RAP1GAP2: variants seen among roughly 807,000 people sequenced by gnomAD.
RAP1GAP2 encodes the protein rap1 GTPase-activating protein 2.
In RAP1GAP2, 27 loss-of-function variants were observed where a neutral mutation model predicts 95.0. That is an observed-to-expected ratio of 0.28 (90% CI 0.21 to 0.39). The LOEUF (loss-of-function observed/expected upper bound fraction) is 0.39. Among genes scored for constraint, RAP1GAP2 ranks in the 10% least tolerant of loss-of-function variants. The probability of loss-of-function intolerance (pLI) is 1.00; values close to 1 mark genes in which losing one functional copy is unlikely to be tolerated. For missense variants in RAP1GAP2, 771 were observed against 970.0 expected (o/e 0.79, Z 2.72); for synonymous variants, 373 against 380.9 (o/e 0.98, Z 0.24).
chr17:2,980,170 T>C, intron 8 of RAP1GAP2, 117 bp from the exon 9 acceptor site: 1 of 868,600 alleles, frequency 1.2e-6, no homozygotes, highest in Non-Finnish European at 1.9e-6. Flanking sequence ...CTCGAACTCC[T>C]GACCTCAAGT....
At position 3,008,844 on chromosome 17, in the gene RAP1GAP2, A is replaced by C. The variant is rs975539285; in HGVS notation, c.1494+699A>C. Among the ~76,000 whole-genome samples, 2 of 152,190 alleles carry C rather than the reference A, an allele frequency of 1.3e-5. No individual in the cohort carries two copies. The highest frequency in any genetic ancestry group is 2.9e-5 in the Non-Finnish European group (2 of 68,038). On this transcript the variant is annotated intron_variant, in intron 17 of 24. Transcript: ENST00000254695. This position sits in a 1 kb window ranked among gnomAD's most constrained non-coding sequence, Gnocchi z 4.2. ...AGCATCTGGCTCGAGCCTGGCTGTC[A>C]GCCTGTGCAGGTGGCGGAACGGGTC... is the stretch of plus-strand genomic sequence containing the variant.
At position 3,032,401 on chromosome 17, in the gene RAP1GAP2, G is replaced by A; in HGVS notation, c.2185-10G>A. On this transcript the variant is annotated splice_polypyrimidine_tract_variant and intron_variant, in intron 23 of 24. Coordinates refer to ENST00000254695, the MANE Select transcript of RAP1GAP2 (RefSeq NM_015085.5). ...TATTTAAACTCCTGTATGGATTTTT[G>A]TTGAAACAGGGTCACTAATGTGAAA... The A allele has an allele frequency of 2.5e-6, 4 of 1,613,964 alleles. No homozygotes were observed. In the South Asian group the frequency reaches 4.4e-5, roughly 18 times the overall value.
Position 3,005,921 on chromosome 17 carries a change from G to A in RAP1GAP2, c.1273-34G>A, listed in dbSNP as rs367895358. ...GAAGACCTTCTGGCAACAGCCGAGA[G>A]TGACAGACCTGAGGTCCGTCTTGTC... On this transcript the variant is annotated intron_variant, in intron 15 of 24. Coordinates refer to ENST00000254695, the MANE Select transcript of RAP1GAP2 (RefSeq NM_015085.5). The surrounding 1 kb of genome is among the most constrained non-coding windows in gnomAD (Gnocchi z 5.2). The A allele has an allele frequency of 3.1e-6, 5 of 1,588,768 alleles. No homozygotes were observed. In the African/African-American group the frequency reaches 4.0e-5, roughly 13 times the overall value.
rs531265313 is a variant in RAP1GAP2, at chr17:2,903,172, C to A, written c.81-2112C>A. The stretch of plus-strand genomic sequence containing the variant: ...TTTCCTTGCTGGGCTCCTAGCCTTA[C>A]AGGGGAGCAGCTGTCATTCTCACCA... On this transcript the variant is annotated intron_variant, in intron 2 of 24. Coordinates refer to ENST00000254695, the MANE Select transcript of RAP1GAP2 (RefSeq NM_015085.5). This position sits in a 1 kb window ranked among gnomAD's most constrained non-coding sequence, Gnocchi z 4.1. Among the ~76,000 whole-genome samples, 1 of 152,272 alleles carries A rather than the reference C, an allele frequency of 6.6e-6. No homozygotes were observed. Among genetic ancestry groups the A allele is most frequent in the South Asian group, 2.1e-4 (1 of 4,824 alleles).
chr17:2,906,215 C>A lies in RAP1GAP2; in HGVS notation c.165+847C>A, dbSNP rs2042194928. ...AGGCCAGCTCCTCTCTGTCCTGGGG[C>A]TGTGCTCTGAGTGGCTCACAGGGAG... On this transcript the variant is annotated intron_variant, in intron 3 of 24. Coordinates refer to ENST00000254695, the MANE Select transcript of RAP1GAP2 (RefSeq NM_015085.5). This position sits in a 1 kb window ranked among gnomAD's most constrained non-coding sequence, Gnocchi z 4.3. Among the ~76,000 whole-genome samples, 1 of 152,194 alleles carries A rather than the reference C, an allele frequency of 6.6e-6. No individual in the cohort carries two copies. The highest frequency in any genetic ancestry group is 1.5e-5 in the Non-Finnish European group (1 of 68,024).
chr17:2,862,328 A>T (rs2072435484), intron 2 of RAP1GAP2, among the ~76,000 whole-genome samples: 1 of 151,844 alleles, frequency 6.6e-6, no homozygotes, highest in South Asian at 2.1e-4. Context: ...CAATATATAT[A>T]TTTTTCTAAA....
At chr17:2,762,035 C>T (rs1221042726) in intron 1 of RAP1GAP2, among the ~76,000 whole-genome samples, 1 of 119,868 alleles carries the variant, frequency 8.3e-6, no homozygotes, top group Non-Finnish European at 1.6e-5. Context: ...GTTGCCCATG[C>T]TGGAGCACAG....
chr17:3,012,605 CAAAAAAAAAAA>C (rs71377567), intron 17 of RAP1GAP2, among the ~76,000 whole-genome samples: 1 of 69,688 alleles, frequency 1.4e-5, no homozygotes, highest in African/African-American at 5.9e-5. Context: ...GACTGTGTCT[CAAAAAAAAAAA>C]AAAAAAAAAA....
At chr17:2,921,645 G>C (rs943488346) in intron 3 of RAP1GAP2, among the ~76,000 whole-genome samples, 1 of 149,070 alleles carries the variant, frequency 6.7e-6, no homozygotes, top group African/African-American at 2.5e-5. Flanking sequence ...CAGCAGGGCC[G>C]TTATGTGTCC....
At chr17:2,785,375 A>G (rs1443878470) in intron 1 of RAP1GAP2, among the ~76,000 whole-genome samples, 1 of 151,064 alleles carries the variant, frequency 6.6e-6, no homozygotes, top group Non-Finnish European at 1.5e-5. Flanking sequence ...TTCACAAGAT[A>G]GGAGGAGAGA....
rs557671598 is a variant in RAP1GAP2, at chr17:2,778,902, T to C, written c.-14+1624T>C. Among the ~76,000 whole-genome samples the C allele has an allele frequency of 5.9e-5, 9 of 152,290 alleles. No homozygotes were observed. In the South Asian group the frequency reaches 8.3e-4, roughly 14 times the overall value. ...GAGCCTTACAGACAGAACTGCTCTG[T>C]TGGGGAGAGAAACAGGGAAGCACTT... is the stretch of plus-strand genomic sequence containing the variant. On this transcript the variant is annotated intron_variant, in intron 1 of 24. Transcript: ENST00000540393.
At chr17:3,010,517 G>A (rs1274672651) in intron 17 of RAP1GAP2, among the ~76,000 whole-genome samples, 2 of 152,122 alleles carry the variant, frequency 1.3e-5, no homozygotes, top group Non-Finnish European at 2.9e-5. Context: ...ATGCTTGTAG[G>A]CTGTGGACAC....
chr17:2,925,942 C>A (rs571968336), intron 3 of RAP1GAP2, among the ~76,000 whole-genome samples: 1 of 152,030 alleles, frequency 6.6e-6, no homozygotes, highest in Non-Finnish European at 1.5e-5. Flanking sequence ...AGTTTGAGAC[C>A]AGCCTGGCCA....
chr17:3,005,464 C>G lies in RAP1GAP2; in HGVS notation c.1272+24C>G, dbSNP rs1441013293. 1.9e-6 allele frequency: 3 copies of G among 1,595,490 alleles called. No homozygotes were observed. In the South Asian group the frequency reaches 3.3e-5, roughly 18 times the overall value. On this transcript the variant is annotated intron_variant, in intron 15 of 24. Transcript: ENST00000254695. This position sits in a 1 kb window ranked among gnomAD's most constrained non-coding sequence, Gnocchi z 5.2. ...AGGTAGGACACTCTTCCTTCTGCCC[C>G]TCTCGCATCCACGATGCCAGGTCTC...
chr17:2,937,951 CTG>C (rs1018280651), intron 3 of RAP1GAP2, among the ~76,000 whole-genome samples: 4 of 152,110 alleles, frequency 2.6e-5, no homozygotes, highest in African/African-American at 7.2e-5. Flanking sequence ...CCTTGGAAGA[CTG>C]TGGGGTTCTG....
chr17:2,949,190 G>A (rs960485429), intron 3 of RAP1GAP2, among the ~76,000 whole-genome samples: 2 of 152,146 alleles, frequency 1.3e-5, no homozygotes, highest in Admixed American at 6.6e-5. Flanking sequence ...CAGAGTCCAC[G>A]GGGAAATGCT....
intron 8 of RAP1GAP2, among the ~76,000 whole-genome samples, chr17:2,979,573 T>C (rs1439935313): frequency 6.6e-6 from 1 of 150,566 alleles, no homozygotes; most frequent in African/African-American, 2.5e-5. Flanking sequence ...TTCAAGCGAT[T>C]CTCCTGCCTC....
rs924701977 is a variant in RAP1GAP2 at position 2,870,166 on chromosome 17, G to A, written c.81-35118G>A. Among the ~76,000 whole-genome samples, 2 of 150,636 alleles carry A rather than the reference G, an allele frequency of 1.3e-5. No individual in the cohort carries two copies. The highest frequency in any genetic ancestry group is 4.9e-5 in the African/African-American group (2 of 40,864). ...GGAGTCTCGCACTGTCACCCGGGCT[G>A]GAATGCAATGGTGCAATCTCGGCTC... On this transcript the variant is annotated intron_variant, in intron 2 of 24. Coordinates refer to ENST00000254695, the MANE Select transcript of RAP1GAP2 (RefSeq NM_015085.5). The surrounding 1 kb of genome is among the most constrained non-coding windows in gnomAD (Gnocchi z 4.4).
At chr17:2,771,099 C>CAACAA (rs986128972) in intron 2 of RAP1GAP2, among the ~76,000 whole-genome samples, 1 of 152,098 alleles carries the variant, frequency 6.6e-6, no homozygotes, top group Non-Finnish European at 1.5e-5. Flanking sequence ...ACAAAAAACC[C>CAACAA]AACAAAACAA....
Sources: gnomAD v4.1 joint callset for allele counts (sites outside exome capture counted in the v4.1 genomes callset) on GRCh38, gnomAD v4.1.1 for gene constraint, Gnocchi (gnomAD v3.1) non-coding constraint, MANE v1.5 for transcripts, NCBI Gene and HGNC (gene_info 2026-07-23, HGNC 2026-07-21) for gene names.